Variants in KCND3 observed in about 807,000 individuals in gnomAD.
KCND3 encodes A-type voltage-gated potassium channel KCND3.
In KCND3, 9 loss-of-function variants were observed where a neutral mutation model predicts 51.1. That is an observed-to-expected ratio of 0.18 (90% CI 0.11 to 0.31). KCND3 has a LOEUF of 0.31. Among genes scored for constraint, KCND3 ranks in the 10% least tolerant of loss-of-function variants. The pLI is 1.00. For missense variants in KCND3, 526 were observed against 903.8 expected, an observed-to-expected ratio of 0.58 and a Z score of 5.36; for synonymous variants, 349 against 368.0, an observed-to-expected ratio of 0.95 and a Z score of 0.59.
intron 2 of KCND3, among the ~76,000 whole-genome samples, chr1:111,945,706 A>C (rs1248652133): frequency 1.3e-5 from 2 of 152,206 alleles, no homozygotes; most frequent in Non-Finnish European, 2.9e-5. Flanking sequence ...AGTCCCCAGC[A>C]GCTGGGTTTT....
chr1:111,829,017 G>A (rs1200378282), intron 2 of KCND3, among the ~76,000 whole-genome samples: 7 of 152,136 alleles, frequency 4.6e-5, no homozygotes, highest in Non-Finnish European at 8.8e-5. Context: ...GGAGCCACCC[G>A]CGAAACAAAT....
Position 111,772,781 on chromosome 1 carries a change from C to A in KCND3, c.*3296G>T, listed in dbSNP as rs1663973882. On this transcript the variant is annotated 3_prime_UTR_variant, in exon 8 of 8. Transcript: ENST00000302127. ...GTTGGTTGGTTTGTTTTTCCCTCCC[C>A]CTCTTAATGCTGAGTGGGACTGAAT... is the stretch of plus-strand genomic sequence containing the variant. 1 of 152,280 alleles carries A rather than the reference C, an allele frequency of 6.6e-6. No homozygotes were observed. Among genetic ancestry groups the A allele is most frequent in the South Asian group, 2.1e-4 (1 of 4,818 alleles). 9.4% of individuals were successfully genotyped at this position (152,280 alleles called of 1,614,324 possible). A position where few individuals can be genotyped will look rare whatever the true frequency, so the allele number is the denominator to read the frequency against.
At chr1:111,895,215 G>A (rs1001532360) in intron 2 of KCND3, among the ~76,000 whole-genome samples, 1 of 151,552 alleles carries the variant, frequency 6.6e-6, no homozygotes, top group Non-Finnish European at 1.5e-5. Context: ...GGGTGAGGAC[G>A]GAGAGGGAGG....
intron 2 of KCND3, among the ~76,000 whole-genome samples, chr1:111,819,892 G>A (rs888735773): frequency 3.3e-5 from 5 of 152,154 alleles, no homozygotes; most frequent in Admixed American, 2.6e-4. Context: ...CCCACCTTCC[G>A]TCTTTAACCA....
At chr1:111,975,446 C>T (rs928070590) in intron 2 of KCND3, among the ~76,000 whole-genome samples, 5 of 152,288 alleles carry the variant, frequency 3.3e-5, no homozygotes, top group Admixed American at 6.5e-5. Context: ...CCTGAGAAAG[C>T]TTCCTGGTGC....
intron 2 of KCND3, among the ~76,000 whole-genome samples, chr1:111,797,782 T>G (rs1665121357): frequency 6.6e-6 from 1 of 151,216 alleles, no homozygotes. Context: ...GGTAGTCACA[T>G]GAAGATTCTT....
At chr1:111,798,842 T>G (rs1202356180) in intron 2 of KCND3, among the ~76,000 whole-genome samples, 2 of 151,080 alleles carry the variant, frequency 1.3e-5, no homozygotes, top group Non-Finnish European at 2.9e-5. Flanking sequence ...CTGAATAAAG[T>G]CTACTTTTTG....
chr1:111,804,119 G>A (rs1486787407), intron 2 of KCND3, among the ~76,000 whole-genome samples: 1 of 152,198 alleles, frequency 6.6e-6, no homozygotes, highest in Non-Finnish European at 1.5e-5. Context: ...CATGTCCTTG[G>A]CATTGACTCC....
intron 2 of KCND3, among the ~76,000 whole-genome samples, chr1:111,929,677 T>G (rs924019731): frequency 2.4e-4 from 36 of 152,220 alleles, no homozygotes; most frequent in Non-Finnish European, 8.8e-5. Flanking sequence ...ATCCCACGAC[T>G]GCCTCTCCCA....
chr1:111,934,466 C>T (rs1672122428), intron 2 of KCND3, among the ~76,000 whole-genome samples: 1 of 152,252 alleles, frequency 6.6e-6, no homozygotes, highest in Admixed American at 6.5e-5. Context: ...GCAAGCACCT[C>T]AGCCCCAGAC....
At chr1:111,855,134 G>T (rs943653944) in intron 2 of KCND3, among the ~76,000 whole-genome samples, 3 of 152,170 alleles carry the variant, frequency 2.0e-5, no homozygotes, top group African/African-American at 7.2e-5. Flanking sequence ...GGCCCATGGG[G>T]GAGGTTAAGC....
Position 111,775,918 on chromosome 1 carries a change from C to A in KCND3, c.*159G>T. The A allele has an allele frequency of 1.3e-6, 1 of 758,886 alleles. No individual in the cohort carries two copies. The allele number at this position is 758,886 out of a possible 1,614,324, so 47.0% of individuals were successfully genotyped here. On this transcript the variant is annotated 3_prime_UTR_variant, in exon 8 of 8. Coordinates refer to ENST00000302127, the MANE Select transcript of KCND3 (RefSeq NM_001378969.1). ...GTGAACCTCAGGTGCCCCTTTGCTA[C>A]CTCTTTTTCCTTCCAGGCACAAGTC... is the stretch of plus-strand genomic sequence containing the variant.
At chr1:111,891,308 AAG>A (rs1275902418) in intron 2 of KCND3, among the ~76,000 whole-genome samples, 1 of 152,192 alleles carries the variant, frequency 6.6e-6, no homozygotes, top group Non-Finnish European at 1.5e-5. Context: ...TTTTGCTGCA[AAG>A]AGAAGGAAAA....
chr1:111,881,441 G>C (rs1669313708), intron 2 of KCND3, among the ~76,000 whole-genome samples: 1 of 152,228 alleles, frequency 6.6e-6, no homozygotes, highest in African/African-American at 2.4e-5. Context: ...ACAGGGCTTT[G>C]CTCTCTCATC....
intron 2 of KCND3, among the ~76,000 whole-genome samples, chr1:111,891,978 G>GTT (rs1258944877): frequency 1.9e-5 from 2 of 102,686 alleles, no homozygotes; most frequent in East Asian, 2.0e-3. Flanking sequence ...CTGTGTGTGT[G>GTT]TCTGTGTGTG....
chr1:111,957,147 G>A (rs868446564), intron 2 of KCND3, among the ~76,000 whole-genome samples: 8 of 152,270 alleles, frequency 5.3e-5, no homozygotes, highest in Admixed American at 1.3e-4. Flanking sequence ...GCACCAGGTA[G>A]AACACTCTGT....
chr1:111,782,807 T>C (rs149388403), intron 3 of KCND3, among the ~76,000 whole-genome samples: 2 of 152,280 alleles, frequency 1.3e-5, no homozygotes, highest in African/African-American at 4.8e-5. Flanking sequence ...AGCAACAGAT[T>C]GTCATATCAA....
intron 2 of KCND3, among the ~76,000 whole-genome samples, chr1:111,882,855 C>T (rs1273877194): frequency 2.0e-5 from 3 of 152,118 alleles, no homozygotes; most frequent in Admixed American, 6.5e-5. Flanking sequence ...CTCGGCCCAG[C>T]CCAGCTGTGA....
At position 111,982,187 on chromosome 1, in the gene KCND3, C is replaced by A. The variant is rs199505539; in HGVS notation, c.540G>T (p.Thr180=). Residue 180 remains threonine, a synonymous_variant, in exon 2 of 8, where the codon ACG becomes ACT. Coordinates refer to ENST00000302127, the MANE Select transcript of KCND3 (RefSeq NM_001378969.1). The surrounding 1 kb of genome is among the most constrained non-coding windows in gnomAD (Gnocchi z 8.5). ...WRAFENPHTS[T]LALVFYYVTG... The stretch of plus-strand genomic sequence containing the variant: ...TCACGTAGTAGAAGACCAGGGCCAG[C>A]GTGCTGGTGTGGGGGTTCTCGAAGG... 1 of 1,614,044 alleles carries A rather than the reference C, an allele frequency of 6.2e-7. No individual in the cohort carries two copies. The highest frequency in any genetic ancestry group is 2.2e-5 in the East Asian group (1 of 44,806).
Sources: gnomAD v4.1 joint callset for allele counts (sites outside exome capture counted in the v4.1 genomes callset) on GRCh38, gnomAD v4.1.1 for gene constraint, Gnocchi (gnomAD v3.1) non-coding constraint, MANE v1.5 for transcripts, NCBI Gene and HGNC (gene_info 2026-07-23, HGNC 2026-07-21) for gene names.